The following WDPCP variants were observed in gnomAD, a reference collection of about 807,000 sequenced individuals.
WDPCP encodes WD repeat containing planar cell polarity effector, also known as WD repeat-containing and planar cell polarity effector protein fritz homolog.
In WDPCP, 71 loss-of-function variants were observed where a neutral mutation model predicts 93.1. The observed-to-expected ratio is 0.76, with a 90% CI of 0.63 to 0.93. The LOEUF is 0.93. Among genes scored for constraint, WDPCP ranks in the 40% least tolerant of loss-of-function variants. The probability of loss-of-function intolerance (pLI) is 0.00; values close to 1 mark genes in which losing one functional copy is unlikely to be tolerated. For missense variants in WDPCP, 844 were observed against 887.4 expected (o/e 0.95, Z 0.62); for synonymous variants, 315 against 315.0 (o/e 1.00, Z 0.00).
intron 2 of WDPCP, among the ~76,000 whole-genome samples, chr2:63,786,430 G>T (rs762297776): frequency 6.6e-6 from 1 of 152,176 alleles, no homozygotes; most frequent in Non-Finnish European, 1.5e-5. Flanking sequence ...TTGGAAGAGA[G>T]CATCTAAGTA....
Position 63,321,750 on chromosome 2 carries a change from A to G in WDPCP, c.1749-8439T>C, listed in dbSNP as rs549470005. 2.6e-3 allele frequency among the ~76,000 whole-genome samples: 392 copies of G among 152,274 alleles called. 3 individuals carry two copies. Among genetic ancestry groups the G allele is most frequent in the Middle Eastern group, 0.02 (6 of 294 alleles). The stretch of plus-strand genomic sequence containing the variant: ...CCCTGCTTAGTTTGTATTTTTTGCC[A>G]TATGGCAACTTTGCTTTACTTTTTA... On this transcript the variant is annotated intron_variant, in intron 12 of 17. Transcript: ENST00000272321.
chr2:63,609,964 C>A (rs1379288353), intron 3 of WDPCP, among the ~76,000 whole-genome samples: 1 of 152,134 alleles, frequency 6.6e-6, no homozygotes, highest in Non-Finnish European at 1.5e-5. Context: ...AGTAATTTTT[C>A]ACCAACTTTG....
At chr2:63,217,754 T>C (rs566715705) in intron 14 of WDPCP, among the ~76,000 whole-genome samples, 35 of 152,318 alleles carry the variant, frequency 2.3e-4, no homozygotes, top group African/African-American at 7.7e-4. Flanking sequence ...AAATTTGAAC[T>C]ATTAGCTTTC....
At chr2:63,705,950 C>T (rs1347604495) in intron 2 of WDPCP, among the ~76,000 whole-genome samples, 3 of 152,120 alleles carry the variant, frequency 2.0e-5, no homozygotes, top group African/African-American at 7.2e-5. Flanking sequence ...TTGTAGGTCA[C>T]TAAGGACTTG....
At chr2:63,595,249 C>A (rs192808918) in intron 3 of WDPCP, among the ~76,000 whole-genome samples, 1 of 152,250 alleles carries the variant, frequency 6.6e-6, no homozygotes, top group East Asian at 1.9e-4. Flanking sequence ...TTTATAGCAT[C>A]CTTCTTTCTG....
At chr2:63,383,454 C>A (rs533056776) in intron 10 of WDPCP, among the ~76,000 whole-genome samples, 45 of 152,268 alleles carry the variant, frequency 3.0e-4, no homozygotes, top group Non-Finnish European at 5.6e-4. Flanking sequence ...GTGGTTCATG[C>A]CAGTAATCTG....
chr2:63,837,765 G>A, the WDPCP span, among the ~76,000 whole-genome samples: 4 of 152,304 alleles, frequency 2.6e-5, no homozygotes, highest in South Asian at 4.1e-4. Flanking sequence ...CTTAAAAAAC[G>A]TTATCTCTAA....
intron 17 of WDPCP, among the ~76,000 whole-genome samples, chr2:63,124,219 C>T (rs1669741668): frequency 6.6e-6 from 1 of 150,444 alleles, no homozygotes; most frequent in South Asian, 2.1e-4. Flanking sequence ...GGTAGTTTTG[C>T]TTTGTTTGTT....
At chr2:63,760,195 G>C (rs1670035057) in intron 2 of WDPCP, among the ~76,000 whole-genome samples, 1 of 152,166 alleles carries the variant, frequency 6.6e-6, no homozygotes, top group Admixed American at 6.5e-5. Flanking sequence ...GGTGACAACA[G>C]AATATTAAAC....
chr2:63,646,795 A>G (rs1710057198), intron 3 of WDPCP, among the ~76,000 whole-genome samples: 1 of 151,920 alleles, frequency 6.6e-6, no homozygotes, highest in Admixed American at 6.6e-5. Flanking sequence ...GCTCCATTGC[A>G]TCTTATTTGT....
At chr2:63,560,426 C>G (rs1706517588) in intron 1 of WDPCP, among the ~76,000 whole-genome samples, 1 of 152,104 alleles carries the variant, frequency 6.6e-6, no homozygotes, top group Non-Finnish European at 1.5e-5. Context: ...ATAGAGATCT[C>G]AGAAATAAGA....
At chr2:63,556,995 C>T (rs1706177239) in intron 1 of WDPCP, among the ~76,000 whole-genome samples, 1 of 152,170 alleles carries the variant, frequency 6.6e-6, no homozygotes, top group Admixed American at 6.5e-5. Flanking sequence ...ACCAGGCCTT[C>T]CTTACAAGAG....
chr2:63,282,492 G>A (rs936363696), intron 13 of WDPCP, among the ~76,000 whole-genome samples: 8 of 152,272 alleles, frequency 5.3e-5, no homozygotes, highest in East Asian at 3.9e-4. Context: ...GCGACAGAGC[G>A]AGACTCTGTC....
chr2:63,801,396 A>G (rs552808602), intron 2 of WDPCP, among the ~76,000 whole-genome samples: 4 of 152,240 alleles, frequency 2.6e-5, no homozygotes, highest in African/African-American at 9.6e-5. Context: ...TGTGAGTGTT[A>G]CAGCTCTTAA....
At chr2:63,809,322 G>C (rs1294422356) in intron 2 of WDPCP, among the ~76,000 whole-genome samples, 12 of 150,766 alleles carry the variant, frequency 8.0e-5, no homozygotes, top group Middle Eastern at 6.9e-3. Flanking sequence ...CAGCCGCCCC[G>C]TCCGGGAGGT....
intron 13 of WDPCP, among the ~76,000 whole-genome samples, chr2:63,312,838 T>C (rs1483095709): frequency 6.6e-6 from 1 of 152,102 alleles, no homozygotes; most frequent in Non-Finnish European, 1.5e-5. Flanking sequence ...TACACTAAAA[T>C]ATAAGGGACA....
In WDPCP at chr2:63,328,443, G is replaced by A. The variant is rs529838019; in HGVS notation, c.1749-15132C>T. Among the ~76,000 whole-genome samples, 6 of 152,202 alleles carry A rather than the reference G, an allele frequency of 3.9e-5. No individual in the cohort carries two copies. In the East Asian group the frequency reaches 9.7e-4, roughly 25 times the overall value. ...CTGCAGCTTCACTCCTGAAGTCCGCGAGACCACAAATCCACCGGGAGGAAC... is the reference window on the plus strand; with the variant it reads ...CTGCAGCTTCACTCCTGAAGTCCGCAAGACCACAAATCCACCGGGAGGAAC... On this transcript the variant is annotated intron_variant, in intron 12 of 17. Coordinates refer to ENST00000272321, the MANE Select transcript of WDPCP (RefSeq NM_015910.7).
chr2:63,124,077 T>C (rs1284180372), intron 17 of WDPCP, among the ~76,000 whole-genome samples: 2 of 151,492 alleles, frequency 1.3e-5, no homozygotes, highest in Non-Finnish European at 3.0e-5. Context: ...AATAACCCTA[T>C]GATAGATAGG....
intron 2 of WDPCP, among the ~76,000 whole-genome samples, chr2:63,696,423 G>A (rs866455866): frequency 7.2e-5 from 11 of 152,180 alleles, no homozygotes; most frequent in South Asian, 4.2e-4. Context: ...AGATAACTAC[G>A]CCCGTTCTAC....
Sources: allele counts gnomAD v4.1 joint callset (sites outside exome capture counted in the v4.1 genomes callset), GRCh38; gene constraint gnomAD v4.1.1; transcripts MANE v1.5; gene names NCBI Gene and HGNC (gene_info 2026-07-23, HGNC 2026-07-21).